DLC1: variants seen among roughly 807,000 people sequenced by gnomAD.
DLC1 encodes DLC1 Rho GTPase activating protein, also known as rho GTPase-activating protein 7.
DLC1 carries 54 observed loss-of-function variants against 140.3 expected under a neutral mutation model. The observed-to-expected ratio is 0.38, with a 90% CI of 0.31 to 0.48. The LOEUF (loss-of-function observed/expected upper bound fraction) is 0.48, where lower values mean the gene tolerates loss of function less well. Among genes scored for constraint, DLC1 ranks in the 20% least tolerant of loss-of-function variants. The probability of loss-of-function intolerance (pLI) is 0.96; values close to 1 mark genes in which losing one functional copy is unlikely to be tolerated. For missense variants in DLC1, 2,536 were observed against 1,907.0 expected (o/e 1.33, Z -6.14); for synonymous variants, 986 against 728.1 (o/e 1.35, Z -5.70).
chr8:13,599,528 CA>C (rs1478689993), intron 1 of DLC1, among the ~76,000 whole-genome samples: 1 of 151,652 alleles, frequency 6.6e-6, no homozygotes, highest in Non-Finnish European at 1.5e-5. Flanking sequence ...AGTTTATTAC[CA>C]AATCCCAATG....
chr8:13,478,560 G>A (rs570348858), intron 2 of DLC1, among the ~76,000 whole-genome samples: 52 of 152,212 alleles, frequency 3.4e-4, no homozygotes, highest in Admixed American at 1.0e-3. Flanking sequence ...AAGACATCCC[G>A]TTAAGGGATG....
chr8:13,112,557 G>T (rs979757918), intron 6 of DLC1, among the ~76,000 whole-genome samples: 1 of 152,082 alleles, frequency 6.6e-6, no homozygotes, highest in African/African-American at 2.4e-5. Context: ...CTAATTTATA[G>T]ACCAAGTCTC....
chr8:13,238,693 C>T (rs1585980074), intron 5 of DLC1, among the ~76,000 whole-genome samples: 1 of 152,262 alleles, frequency 6.6e-6, no homozygotes, highest in Middle Eastern at 3.4e-3. Flanking sequence ...CCAGGTCTCT[C>T]CTAGGCTGGG....
At chr8:13,150,353 A>G (rs1198310188) in intron 5 of DLC1, among the ~76,000 whole-genome samples, 1 of 152,186 alleles carries the variant, frequency 6.6e-6, no homozygotes, top group Non-Finnish European at 1.5e-5. Context: ...AAATTACATT[A>G]GACAGTGATT....
At chr8:13,309,129 A>G (rs1183159268) in intron 4 of DLC1, among the ~76,000 whole-genome samples, 1 of 152,240 alleles carries the variant, frequency 6.6e-6, no homozygotes, top group Non-Finnish European at 1.5e-5. Context: ...AATAGTTGCC[A>G]TATGTTTCAT....
At chr8:13,140,580 G>C (rs1285344206) in intron 5 of DLC1, among the ~76,000 whole-genome samples, 1 of 150,822 alleles carries the variant, frequency 6.6e-6, no homozygotes. Flanking sequence ...TTGTTGATCT[G>C]TAAGTATTAT....
intron 5 of DLC1, among the ~76,000 whole-genome samples, chr8:13,297,271 C>G (rs898282862): frequency 1.4e-3 from 1 of 738 alleles, no homozygotes; most frequent in African/African-American, 3.4e-3. Flanking sequence ...CAAGCAGAGG[C>G]CTTCATACAT....
chr8:13,593,662 T>C (rs940790393), intron 1 of DLC1, among the ~76,000 whole-genome samples: 4 of 152,070 alleles, frequency 2.6e-5, no homozygotes, highest in Admixed American at 2.0e-4. Flanking sequence ...CCCCGCCCGA[T>C]TCATACAGAA....
chr8:13,482,929 T>C (rs1800801263), intron 2 of DLC1, among the ~76,000 whole-genome samples: 1 of 152,226 alleles, frequency 6.6e-6, no homozygotes, highest in African/African-American at 2.4e-5. Flanking sequence ...GAGGTTTGTA[T>C]ACCAGTTTCC....
chr8:13,281,855 C>G (rs980934664), intron 5 of DLC1, among the ~76,000 whole-genome samples: 1 of 152,174 alleles, frequency 6.6e-6, no homozygotes, highest in Non-Finnish European at 1.5e-5. Flanking sequence ...TTTATGCTTT[C>G]TGAAGCTAAG....
chr8:13,142,356 T>G lies in DLC1; in HGVS notation c.1349-26699A>C, dbSNP rs924197438. ...GATCTGATCTCTATTATACAGATTT[T>G]CTGTTCCTGAACAAACAGCTATTTC... is the stretch of plus-strand genomic sequence containing the variant. On this transcript the variant is annotated intron_variant, in intron 5 of 17. Coordinates refer to ENST00000276297, the MANE Select transcript of DLC1 (RefSeq NM_182643.3). Among the ~76,000 whole-genome samples the G allele has an allele frequency of 1.4e-4, 21 of 152,244 alleles. 1 individual carries two copies. Among genetic ancestry groups the G allele is most frequent in the African/African-American group, 4.8e-4 (20 of 41,472 alleles).
At chr8:13,573,259 G>T (rs889320948) in intron 1 of DLC1, among the ~76,000 whole-genome samples, 1 of 152,024 alleles carries the variant, frequency 6.6e-6, no homozygotes, top group South Asian at 2.1e-4. Flanking sequence ...ATTCTTTTTG[G>T]ATTGTTCATT....
intron 5 of DLC1, among the ~76,000 whole-genome samples, chr8:13,229,360 T>C (rs1362142610): frequency 3.3e-5 from 5 of 152,156 alleles, no homozygotes; most frequent in African/African-American, 7.2e-5. Context: ...TCTGATTCCA[T>C]TTATATAAAA....
chr8:13,193,826 C>T (rs980062956), intron 5 of DLC1, among the ~76,000 whole-genome samples: 2 of 152,108 alleles, frequency 1.3e-5, no homozygotes, highest in Non-Finnish European at 2.9e-5. Context: ...TCTGCCAGTA[C>T]TCATTGGATT....
chr8:13,194,703 A>G lies in DLC1; in HGVS notation c.1349-79046T>C, dbSNP rs115197179. On this transcript the variant is annotated intron_variant, in intron 5 of 17. Coordinates refer to ENST00000276297, the MANE Select transcript of DLC1 (RefSeq NM_182643.3). Reference sequence around the variant, plus strand: ...AAACATTGTAGGCCGCAAGCATTCCATTTTGTTATGGATAAGAAAGCAGGC... The same window carrying G: ...AAACATTGTAGGCCGCAAGCATTCCGTTTTGTTATGGATAAGAAAGCAGGC... Among the ~76,000 whole-genome samples, 715 of 152,278 alleles carry G rather than the reference A, an allele frequency of 4.7e-3. 12 individuals carry two copies. Among genetic ancestry groups the G allele is most frequent in the African/African-American group, 0.016 (663 of 41,560 alleles).
chr8:13,326,354 T>G (rs1184921255), intron 4 of DLC1, among the ~76,000 whole-genome samples: 4 of 152,202 alleles, frequency 2.6e-5, no homozygotes, highest in African/African-American at 9.7e-5. Flanking sequence ...TGACCTCTAC[T>G]TAAGAGTTGG....
At chr8:13,287,584 C>G (rs1220959947) in intron 5 of DLC1, among the ~76,000 whole-genome samples, 1 of 152,088 alleles carries the variant, frequency 6.6e-6, no homozygotes, top group Non-Finnish European at 1.5e-5. Flanking sequence ...ATTTGTACAT[C>G]TCTCATTATT....
chr8:13,227,386 T>C lies in DLC1; in HGVS notation c.1348+77883A>G, dbSNP rs1183517544. Among the ~76,000 whole-genome samples the C allele has an allele frequency of 2.0e-5, 3 of 152,176 alleles. No homozygotes were observed. The East Asian group carries it at 5.8e-4, about 29-fold the overall frequency. On this transcript the variant is annotated intron_variant, in intron 5 of 17. Coordinates refer to ENST00000276297, the MANE Select transcript of DLC1 (RefSeq NM_182643.3). ...TTTAATGCAGCAGAATCCTATAAAC[T>C]GGAGAGACTTGGATTGGGAATCTTA...
At chr8:13,312,796 A>T (rs1013604958) in intron 4 of DLC1, among the ~76,000 whole-genome samples, 7 of 152,146 alleles carry the variant, frequency 4.6e-5, no homozygotes, top group Non-Finnish European at 8.8e-5. Context: ...ACTTAGAAAT[A>T]CTGACTATTC....
Sources: gnomAD v4.1 joint callset for allele counts (sites outside exome capture counted in the v4.1 genomes callset) on GRCh38, gnomAD v4.1.1 for gene constraint, MANE v1.5 for transcripts, NCBI Gene and HGNC (gene_info 2026-07-23, HGNC 2026-07-21) for gene names.